The following CDH13 variants were observed in gnomAD, a reference collection of about 807,000 sequenced individuals.
CDH13 encodes cadherin-13.
Under a neutral mutation model 63.8 loss-of-function variants are expected in CDH13, and 24 were observed. The ratio of observed to expected loss-of-function variants is 0.38; its 90% CI spans 0.27 to 0.53. The LOEUF is 0.53. Among genes scored for constraint, CDH13 ranks in the 20% least tolerant of loss-of-function variants. The pLI, the probability that CDH13 is intolerant of heterozygous loss-of-function variation, is 0.85. For missense variants in CDH13, 1,049 were observed against 903.1 expected (o/e 1.16, Z -2.07); for synonymous variants, 503 against 355.3 (o/e 1.42, Z -4.67).
intron 5 of CDH13, among the ~76,000 whole-genome samples, chr16:83,238,408 A>C (rs1264455079): frequency 1.3e-5 from 2 of 152,152 alleles, no homozygotes; most frequent in African/African-American, 2.4e-5. Context: ...CGAGAACAGC[A>C]TGGGAAAGAC....
intron 2 of CDH13, among the ~76,000 whole-genome samples, chr16:82,947,881 T>G (rs1300855562): frequency 6.6e-6 from 1 of 152,184 alleles, no homozygotes; most frequent in East Asian, 1.9e-4. Context: ...CAGGGAGTAA[T>G]GAATTCATGA....
intron 2 of CDH13, among the ~76,000 whole-genome samples, chr16:82,868,490 CA>C (rs1189392689): frequency 6.6e-6 from 1 of 152,092 alleles, no homozygotes; most frequent in Non-Finnish European, 1.5e-5. Flanking sequence ...ACAGATGTAA[CA>C]AAATGTTTAG....
In CDH13 at chr16:82,842,111, TGTATATATATATATATATATATATATAC is replaced by T. The variant is rs1421063858; in HGVS notation, c.46-16250_46-16223del. 1.2e-4 allele frequency among the ~76,000 whole-genome samples: 6 copies of T among 50,378 alleles called. 1 individual carries two copies. The highest frequency in any genetic ancestry group is 2.2e-4 in the African/African-American group (3 of 13,488). The allele number at this position is 50,378 out of a possible 152,430, so 33.0% of individuals were successfully genotyped here. Reference sequence around the variant, plus strand: ...TTCTACATATATATATATATATATATGTATATATATATATATATATATATATACACATATATATATATATATATATATA... The same window carrying T: ...TTCTACATATATATATATATATATATACATATATATATATATATATATATA... On this transcript the variant is annotated intron_variant, in intron 1 of 13. Coordinates refer to ENST00000567109, the MANE Select transcript of CDH13 (RefSeq NM_001257.5).
chr16:82,869,002 A>T (rs2040251413), intron 2 of CDH13, among the ~76,000 whole-genome samples: 1 of 152,192 alleles, frequency 6.6e-6, no homozygotes, highest in African/African-American at 2.4e-5. Context: ...GTCTGTTTTG[A>T]GGGCTAAATA....
chr16:83,772,398 T>G (rs577359842), intron 11 of CDH13, among the ~76,000 whole-genome samples: 3 of 152,136 alleles, frequency 2.0e-5, no homozygotes, highest in Non-Finnish European at 2.9e-5. Flanking sequence ...AAAATAAGAA[T>G]TCTTAGAACA....
chr16:83,561,231 G>A (rs2075702177), intron 7 of CDH13, among the ~76,000 whole-genome samples: 1 of 151,886 alleles, frequency 6.6e-6, no homozygotes, highest in Admixed American at 6.6e-5. Context: ...CAGTTCACCT[G>A]AGGTTGGGAG....
intron 6 of CDH13, among the ~76,000 whole-genome samples, chr16:83,442,621 A>AT (rs2072512180): frequency 1.3e-5 from 2 of 152,124 alleles, no homozygotes; most frequent in Admixed American, 1.3e-4. Context: ...AGAAGCTTAT[A>AT]TTTTTCTGGA....
At chr16:83,587,508 C>T (rs574483822) in intron 7 of CDH13, among the ~76,000 whole-genome samples, 5 of 152,290 alleles carry the variant, frequency 3.3e-5, no homozygotes, top group African/African-American at 1.2e-4. Flanking sequence ...GATTACACAG[C>T]AGAACGCAAT....
intron 3 of CDH13, among the ~76,000 whole-genome samples, chr16:83,039,392 C>T (rs988920950): frequency 1.3e-5 from 2 of 152,162 alleles, no homozygotes; most frequent in East Asian, 3.9e-4. Context: ...GAATTGTCAC[C>T]TTCTCCAAGA....
chr16:82,679,009 C>G (rs1914246442), intron 1 of CDH13, among the ~76,000 whole-genome samples: 1 of 152,162 alleles, frequency 6.6e-6, no homozygotes, highest in Non-Finnish European at 1.5e-5. Flanking sequence ...CAGTTGATCA[C>G]CGCTGTGGGC....
chr16:83,506,869 A>G (rs1337569069), intron 7 of CDH13, among the ~76,000 whole-genome samples: 1 of 152,224 alleles, frequency 6.6e-6, no homozygotes, highest in Non-Finnish European at 1.5e-5. Context: ...CCACCTTGGA[A>G]GTAGACCTTC....
chr16:83,482,718 C>T (rs1263298473), intron 6 of CDH13, among the ~76,000 whole-genome samples: 2 of 152,170 alleles, frequency 1.3e-5, no homozygotes, highest in Non-Finnish European at 2.9e-5. Context: ...TAGAGGACCA[C>T]GTGGAGACAT....
intron 4 of CDH13, among the ~76,000 whole-genome samples, chr16:83,182,465 T>C (rs2038375777): frequency 6.6e-6 from 1 of 152,218 alleles, no homozygotes; most frequent in African/African-American, 2.4e-5. Flanking sequence ...CTGTGAGTTT[T>C]GTTGGATGGT....
intron 6 of CDH13, among the ~76,000 whole-genome samples, chr16:83,474,922 G>A (rs913266599): frequency 2.0e-5 from 3 of 152,196 alleles, no homozygotes; most frequent in Admixed American, 6.5e-5. Flanking sequence ...GCAGTTCTGG[G>A]GCCATAATGA....
intron 2 of CDH13, among the ~76,000 whole-genome samples, chr16:82,870,262 A>C (rs1236075317): frequency 6.6e-6 from 1 of 152,178 alleles, no homozygotes; most frequent in Non-Finnish European, 1.5e-5. Flanking sequence ...TGTATATATA[A>C]ACATATTCTC....
intron 1 of CDH13, among the ~76,000 whole-genome samples, chr16:82,807,411 C>A (rs1037104302): frequency 3.3e-5 from 5 of 152,080 alleles, no homozygotes; most frequent in Admixed American, 6.6e-5. Context: ...AGGAAGAGGT[C>A]TGGTAGCTGA....
chr16:83,767,850 C>T lies in CDH13; in HGVS notation c.1682-12118C>T, dbSNP rs115965743. Among the ~76,000 whole-genome samples the T allele has an allele frequency of 3.4e-3, 510 of 152,090 alleles. 2 individuals carry two copies. The highest frequency in any genetic ancestry group is 0.012 in the African/African-American group (495 of 41,492). On this transcript the variant is annotated intron_variant, in intron 11 of 13. Transcript: ENST00000567109. ...GTAGTTGCCAGGGGCTGGGAGTGGG[C>T]ATGAAGAGTTAGTACAAATTGGCCC...
intron 5 of CDH13, among the ~76,000 whole-genome samples, chr16:83,323,011 G>T (rs2090264123): frequency 6.6e-6 from 1 of 151,684 alleles, no homozygotes; most frequent in Admixed American, 6.6e-5. Flanking sequence ...TTGTTTGATT[G>T]GCCCCCTACC....
intron 1 of CDH13, among the ~76,000 whole-genome samples, chr16:82,680,615 A>G (rs542808773): frequency 2.8e-4 from 43 of 152,308 alleles, no homozygotes; most frequent in African/African-American, 9.4e-4. Context: ...TGATCATTAT[A>G]TTACTCCCCA....
Sources: allele counts gnomAD v4.1 joint callset (sites outside exome capture counted in the v4.1 genomes callset), GRCh38; gene constraint gnomAD v4.1.1; transcripts MANE v1.5; gene names NCBI Gene and HGNC (gene_info 2026-07-23, HGNC 2026-07-21).